CCDC171: variants seen among roughly 807,000 people sequenced by gnomAD.
CCDC171 encodes coiled-coil domain-containing protein 171.
A neutral mutation model predicts 168.2 loss-of-function variants in CCDC171; 177 were observed. The observed-to-expected ratio is 1.05, with a 90% CI of 0.93 to 1.19. The LOEUF is 1.19. Among genes scored for constraint, CCDC171 ranks in the 50% most tolerant of loss-of-function variants. The probability of loss-of-function intolerance (pLI) is 0.00; values close to 1 mark genes in which losing one functional copy is unlikely to be tolerated. For synonymous variants in CCDC171, 687 were observed against 540.8 expected (o/e 1.27, Z -3.75); for missense variants, 1,991 against 1,539.0 (o/e 1.29, Z -4.91).
chr9:15,870,916 G>A (rs2062012230), intron 23 of CCDC171, among the ~76,000 whole-genome samples: 1 of 149,720 alleles, frequency 6.7e-6, no homozygotes, highest in Non-Finnish European at 1.5e-5. Context: ...ATCTAGAACT[G>A]GATTATTATA....
At chr9:15,900,457 C>T (rs1268618731) in intron 24 of CCDC171, among the ~76,000 whole-genome samples, 1 of 152,160 alleles carries the variant, frequency 6.6e-6, no homozygotes, top group Non-Finnish European at 1.5e-5. Flanking sequence ...GAGGACTCTG[C>T]TTCTCAGGTG....
chr9:15,577,556 T>C (rs1037035537), intron 3 of CCDC171, among the ~76,000 whole-genome samples: 9 of 152,138 alleles, frequency 5.9e-5, no homozygotes, highest in Non-Finnish European at 2.9e-5. Context: ...AGCCAGCCAA[T>C]ATTATAAACC....
rs549025436 is a variant in CCDC171, at chr9:15,758,395, G to A, written c.2671+12764G>A. On this transcript the variant is annotated intron_variant, in intron 18 of 25. Transcript: ENST00000380701. ...TTGTTTTGGCCAATTCCTCCCATTTGGAATGGCTGTATTTACCCAATGCCT... is the reference window on the plus strand; with the variant it reads ...TTGTTTTGGCCAATTCCTCCCATTTAGAATGGCTGTATTTACCCAATGCCT... Among the ~76,000 whole-genome samples the A allele has an allele frequency of 8.5e-5, 13 of 152,258 alleles. No individual in the cohort carries two copies. In the South Asian group the frequency reaches 2.3e-3, roughly 27 times the overall value.
At chr9:16,092,665 CCTCA>C in the CCDC171 span, among the ~76,000 whole-genome samples, 1 of 152,208 alleles carries the variant, frequency 6.6e-6, no homozygotes, top group African/African-American at 2.4e-5. Flanking sequence ...GAAGGGATTT[CCTCA>C]CTGGGCTCTG....
At chr9:15,944,031 T>C (rs1828018132) in intron 25 of CCDC171, among the ~76,000 whole-genome samples, 1 of 151,956 alleles carries the variant, frequency 6.6e-6, no homozygotes, top group Non-Finnish European at 1.5e-5. Flanking sequence ...GGTTAAACTA[T>C]GTGTTGTTTT....
At chr9:15,626,454 C>T (rs1056972577) in intron 7 of CCDC171, among the ~76,000 whole-genome samples, 4 of 152,158 alleles carry the variant, frequency 2.6e-5, no homozygotes, top group African/African-American at 9.7e-5. Context: ...GTGGGTTTGT[C>T]ATAAAGAGCT....
intron 25 of CCDC171, among the ~76,000 whole-genome samples, chr9:15,934,115 A>G (rs1040263636): frequency 9.2e-5 from 14 of 151,894 alleles, no homozygotes; most frequent in Admixed American, 2.0e-4. Context: ...AGAGGACTTG[A>G]ACAGCTAATT....
chr9:15,932,325 C>A (rs982478650), intron 25 of CCDC171, among the ~76,000 whole-genome samples: 11 of 151,786 alleles, frequency 7.2e-5, no homozygotes, highest in African/African-American at 2.4e-4. Context: ...AGATTTTTCA[C>A]ATCTTTGGTT....
the CCDC171 span, among the ~76,000 whole-genome samples, chr9:16,108,757 A>G: frequency 3.3e-5 from 5 of 152,248 alleles, no homozygotes; most frequent in South Asian, 1.0e-3. Context: ...AATATTTGGG[A>G]AAAAAATTAC....
In CCDC171 at chr9:15,623,423, C is replaced by A; in HGVS notation, c.822+10C>A. 6.4e-7 allele frequency: 1 copy of A among 1,562,712 alleles called. No homozygotes were observed. Among genetic ancestry groups the A allele is most frequent in the East Asian group, 2.5e-5 (1 of 39,630 alleles). ...TAGAAAAGAATTTGAGGTACATTTT[C>A]TCATTCCTTTATAATATATATGCGT... On this transcript the variant is annotated intron_variant, in intron 7 of 25. Transcript: ENST00000380701.
At chr9:15,925,585 G>A (rs1424028201) in intron 25 of CCDC171, among the ~76,000 whole-genome samples, 1 of 151,562 alleles carries the variant, frequency 6.6e-6, no homozygotes, top group Non-Finnish European at 1.5e-5. Context: ...ACAGTGTGAG[G>A]AACCAGCTAG....
intron 7 of CCDC171, among the ~76,000 whole-genome samples, chr9:15,623,955 TG>T (rs1179632887): frequency 2.6e-5 from 4 of 152,190 alleles, no homozygotes; most frequent in East Asian, 1.9e-4. Flanking sequence ...GTAATTGATT[TG>T]TTAGTTCATC....
intron 9 of CCDC171, among the ~76,000 whole-genome samples, chr9:15,669,761 G>A (rs190353349): frequency 6.6e-6 from 1 of 151,962 alleles, no homozygotes; most frequent in Non-Finnish European, 1.5e-5. Context: ...TGAATGGACT[G>A]CATCTAAATT....
intron 3 of CCDC171, among the ~76,000 whole-genome samples, chr9:16,006,900 A>C (rs541013329): frequency 6.6e-6 from 1 of 152,288 alleles, no homozygotes; most frequent in Non-Finnish European, 1.5e-5. Context: ...ATACGTGTGC[A>C]TGTGTCTTTA....
intron 6 of CCDC171, among the ~76,000 whole-genome samples, chr9:15,606,928 G>T (rs1451447807): frequency 2.0e-5 from 3 of 152,144 alleles, no homozygotes; most frequent in Admixed American, 6.5e-5. Context: ...ACATAATAAA[G>T]ATGCAGGTAG....
chr9:15,716,032 C>G (rs1156924745), intron 11 of CCDC171, among the ~76,000 whole-genome samples: 1 of 152,004 alleles, frequency 6.6e-6, no homozygotes, highest in Non-Finnish European at 1.5e-5. Flanking sequence ...TGAAAGTAAC[C>G]CACATATTTG....
intron 2 of CCDC171, among the ~76,000 whole-genome samples, chr9:15,567,376 C>G (rs902061097): frequency 5.3e-5 from 8 of 152,124 alleles, no homozygotes; most frequent in African/African-American, 1.9e-4. Flanking sequence ...AATTAGGAAT[C>G]AAAAGTTTTC....
chr9:16,081,101 A>G, the CCDC171 span, among the ~76,000 whole-genome samples: 1 of 152,172 alleles, frequency 6.6e-6, no homozygotes, highest in Non-Finnish European at 1.5e-5. Context: ...TCCTACCCAA[A>G]GTTCAGACAC....
In CCDC171 at chr9:15,745,536, G is replaced by C. The variant is rs570101221; in HGVS notation, c.2576G>C (p.Arg859Pro). Residue 859 changes from arginine (R) to proline (P), a missense_variant, in exon 18 of 26, where the codon CGT (arginine) becomes CCT (proline). Transcript: ENST00000380701. ...ATAGAACATCAAAAGGAGCAGTTGC[G>C]TTGTTTACAAGCGCTCAGTTGGCTC... The part of the protein sequence containing the change: ...KFPKHQKEQL[R>P]CLQALSWLTS... The C allele has an allele frequency of 6.3e-7, 1 of 1,576,446 alleles. No individual in the cohort carries two copies. Among genetic ancestry groups the C allele is most frequent in the Non-Finnish European group, 8.6e-7 (1 of 1,165,808 alleles).
Sources: gnomAD v4.1 joint callset for allele counts (sites outside exome capture counted in the v4.1 genomes callset) on GRCh38, gnomAD v4.1.1 for gene constraint, MANE v1.5 for transcripts, NCBI Gene and HGNC (gene_info 2026-07-23, HGNC 2026-07-21) for gene names.